SUGCT: variants seen among roughly 807,000 people sequenced by gnomAD.
SUGCT encodes succinyl-CoA:glutarate-CoA transferase.
In SUGCT, 41 loss-of-function variants were observed where a neutral mutation model predicts 55.0. The ratio of observed to expected loss-of-function variants is 0.74; its 90% CI spans 0.58 to 0.97. SUGCT has a LOEUF of 0.97. Ranked by LOEUF, SUGCT falls within the 50% of genes least tolerant of loss-of-function variation. The pLI, the probability that SUGCT is intolerant of heterozygous loss-of-function variation, is 0.00. For synonymous variants in SUGCT, 187 were observed against 200.4 expected (o/e 0.93, Z 0.56); for missense variants, 568 against 547.8 (o/e 1.04, Z -0.37).
intron 6 of SUGCT, among the ~76,000 whole-genome samples, chr7:40,206,505 C>T (rs1786983314): frequency 6.6e-6 from 1 of 152,042 alleles, no homozygotes; most frequent in Non-Finnish European, 1.5e-5. Context: ...TGAAATCCAA[C>T]TTGTAAAGAA....
chr7:40,806,444 A>G (rs1218689113), intron 13 of SUGCT, among the ~76,000 whole-genome samples: 1 of 152,114 alleles, frequency 6.6e-6, no homozygotes, highest in Non-Finnish European at 1.5e-5. Context: ...TTATCATTGT[A>G]ATCTTCCCTG....
At chr7:40,267,419 G>T (rs1367168968) in intron 7 of SUGCT, among the ~76,000 whole-genome samples, 1 of 152,168 alleles carries the variant, frequency 6.6e-6, no homozygotes, top group South Asian at 2.1e-4. Flanking sequence ...TTAAAAGTCT[G>T]TATATGAGTT....
In SUGCT at chr7:40,734,000, A is replaced by C. The variant is rs182908851; in HGVS notation, c.1090-15434A>C. Among the ~76,000 whole-genome samples, 9 of 152,340 alleles carry C rather than the reference A, an allele frequency of 5.9e-5. No individual in the cohort carries two copies. In the East Asian group the frequency reaches 1.7e-3, roughly 29 times the overall value. ...GTTAATGTTTTGTTACAACCTTCAT[A>C]TTCTTGTGGACTTACTAAGGGAAAG... On this transcript the variant is annotated intron_variant, in intron 12 of 13. Transcript: ENST00000335693.
At chr7:40,463,399 A>G (rs912637491) in intron 11 of SUGCT, among the ~76,000 whole-genome samples, 1 of 152,156 alleles carries the variant, frequency 6.6e-6, no homozygotes, top group Admixed American at 6.5e-5. Context: ...TGAATTTCCT[A>G]TTGTGTTTCA....
At chr7:40,693,724 A>T (rs1017047860) in intron 12 of SUGCT, among the ~76,000 whole-genome samples, 2 of 152,230 alleles carry the variant, frequency 1.3e-5, no homozygotes, top group Non-Finnish European at 2.9e-5. Flanking sequence ...CGTATTCCTC[A>T]GTATTAGAAT....
intron 7 of SUGCT, among the ~76,000 whole-genome samples, chr7:40,242,630 T>C (rs535385984): frequency 6.6e-6 from 1 of 151,930 alleles, no homozygotes; most frequent in South Asian, 2.1e-4. Context: ...GTCTGTTGTA[T>C]TTGCACCTTG....
chr7:40,690,499 T>C (rs188886317), intron 12 of SUGCT, among the ~76,000 whole-genome samples: 4 of 152,294 alleles, frequency 2.6e-5, no homozygotes, highest in Non-Finnish European at 4.4e-5. Flanking sequence ...ATTTAAAAAC[T>C]ACTTTCTCAT....
chr7:40,188,392 C>T, intron 3 of SUGCT, 103 bp from the exon 4 acceptor site: 2 of 782,468 alleles, frequency 2.6e-6, no homozygotes, highest in East Asian at 5.9e-5. Context: ...AGAGATCGTT[C>T]CTCTGCACTC....
chr7:40,360,995 T>A (rs1798124112), intron 9 of SUGCT, among the ~76,000 whole-genome samples: 1 of 152,102 alleles, frequency 6.6e-6, no homozygotes, highest in South Asian at 2.1e-4. Flanking sequence ...GGAGTTATAA[T>A]TGATATTGCT....
chr7:40,147,417 G>A (rs977532348), intron 1 of SUGCT, among the ~76,000 whole-genome samples: 1 of 152,132 alleles, frequency 6.6e-6, no homozygotes, highest in African/African-American at 2.4e-5. Context: ...CCCGACTAAG[G>A]AATACTTCAC....
At chr7:40,374,580 T>C (rs1784451381) in intron 9 of SUGCT, among the ~76,000 whole-genome samples, 1 of 152,168 alleles carries the variant, frequency 6.6e-6, no homozygotes, top group South Asian at 2.1e-4. Context: ...TGTCTCAAAT[T>C]GAACGGTTCA....
rs543957826 is a variant in SUGCT, at chr7:40,411,368, G to A, written c.817-37919G>A. Among the ~76,000 whole-genome samples the A allele has an allele frequency of 9.2e-5, 14 of 152,328 alleles. No homozygotes were observed. The South Asian group carries it at 2.1e-3, about 23-fold the overall frequency. ...AGATCGTGCCACTGTGCTCCAGCTT[G>A]GGCGATAGAGTGAGACTGTGTCTCA... is the stretch of plus-strand genomic sequence containing the variant. On this transcript the variant is annotated intron_variant, in intron 9 of 13. Transcript: ENST00000335693.
Position 40,631,469 on chromosome 7 carries a change from A to T in SUGCT, c.1090-117965A>T, listed in dbSNP as rs148368334. Among the ~76,000 whole-genome samples, 300 of 152,296 alleles carry T rather than the reference A, an allele frequency of 2.0e-3. 1 individual carries two copies. The highest frequency in any genetic ancestry group is 3.5e-3 in the Non-Finnish European group (235 of 68,020). ...ACAAATTCAACATTTGATGGTTTTC[A>T]CTCATCAAAGAACTAAATCAGCAGT... is the stretch of plus-strand genomic sequence containing the variant. On this transcript the variant is annotated intron_variant, in intron 12 of 13. Coordinates refer to ENST00000335693, the MANE Select transcript of SUGCT (RefSeq NM_001193313.2).
intron 9 of SUGCT, among the ~76,000 whole-genome samples, chr7:40,404,577 C>T (rs553269812): frequency 7.2e-5 from 11 of 152,068 alleles, no homozygotes; most frequent in Non-Finnish European, 1.3e-4. Context: ...GCTGGGATTA[C>T]AGGCATGTGC....
At chr7:40,926,906 G>T in the SUGCT span, among the ~76,000 whole-genome samples, 1 of 152,194 alleles carries the variant, frequency 6.6e-6, no homozygotes, top group Non-Finnish European at 1.5e-5. Flanking sequence ...ATATTAGTTT[G>T]AGGTAAATTC....
the SUGCT span, among the ~76,000 whole-genome samples, chr7:40,883,456 C>T: frequency 6.6e-6 from 1 of 152,080 alleles, no homozygotes; most frequent in African/African-American, 2.4e-5. Context: ...AGTTTAACAC[C>T]CTAAGGTCAG....
At chr7:40,886,889 C>G in the SUGCT span, among the ~76,000 whole-genome samples, 1 of 152,176 alleles carries the variant, frequency 6.6e-6, no homozygotes, top group Non-Finnish European at 1.5e-5. Context: ...AGGGTACTGC[C>G]AGGGAAAATA....
intron 7 of SUGCT, among the ~76,000 whole-genome samples, chr7:40,259,609 T>G (rs547073090): frequency 6.6e-6 from 1 of 152,206 alleles, no homozygotes; most frequent in Non-Finnish European, 1.5e-5. Flanking sequence ...AAAGTGATGG[T>G]GCAGCATCAC....
the SUGCT span, among the ~76,000 whole-genome samples, chr7:40,910,650 G>T: frequency 6.6e-6 from 1 of 152,030 alleles, no homozygotes; most frequent in Non-Finnish European, 1.5e-5. Context: ...TGGAAGATCC[G>T]GTCAGCCTTT....
Sources: allele counts gnomAD v4.1 joint callset (sites outside exome capture counted in the v4.1 genomes callset), GRCh38; gene constraint gnomAD v4.1.1; transcripts MANE v1.5; gene names NCBI Gene and HGNC (gene_info 2026-07-23, HGNC 2026-07-21).